Variants in LUZP2 observed in about 807,000 individuals in gnomAD.
The protein encoded by LUZP2 is leucine zipper protein 2.
A neutral mutation model predicts 51.6 loss-of-function variants in LUZP2; 52 were observed. The ratio of observed to expected loss-of-function variants is 1.01; its 90% confidence interval spans 0.81 to 1.27. The LOEUF is 1.27. LUZP2 is among the 50% of genes most tolerant of loss of function. The pLI, the probability that LUZP2 is intolerant of heterozygous loss-of-function variation, is 0.00. For missense variants in LUZP2, 436 were observed against 395.4 expected (o/e 1.10, Z -0.87); for synonymous variants, 154 against 137.3 (o/e 1.12, Z -0.85).
chr11:24,610,397 G>T (rs1854080207), intron 1 of LUZP2, among the ~76,000 whole-genome samples: 1 of 152,126 alleles, frequency 6.6e-6, no homozygotes, highest in Admixed American at 6.5e-5. Flanking sequence ...TTTTGAGAGG[G>T]CCCAAATGTC....
intron 5 of LUZP2, among the ~76,000 whole-genome samples, chr11:24,822,613 G>A (rs545228630): frequency 8.5e-5 from 13 of 152,098 alleles, no homozygotes; most frequent in South Asian, 4.1e-4. Context: ...TGCTCCCTTC[G>A]CTTCCTTCAT....
intron 1 of LUZP2, among the ~76,000 whole-genome samples, chr11:24,710,268 G>A (rs1208500619): frequency 6.6e-6 from 1 of 152,120 alleles, no homozygotes; most frequent in Non-Finnish European, 1.5e-5. Flanking sequence ...GAGATATCAT[G>A]TAGGTCTTAG....
At chr11:24,728,887 C>T (rs962080882) in intron 1 of LUZP2, among the ~76,000 whole-genome samples, 6 of 151,754 alleles carry the variant, frequency 4.0e-5, no homozygotes, top group South Asian at 2.1e-4. Flanking sequence ...TGGAAGAAGA[C>T]GAAAGGCATG....
intron 9 of LUZP2, among the ~76,000 whole-genome samples, chr11:25,019,774 G>A (rs537313692): frequency 1.3e-5 from 2 of 152,040 alleles, no homozygotes; most frequent in Admixed American, 6.6e-5. Context: ...CGTTATGGGA[G>A]CCTGACTTCT....
chr11:24,538,784 A>G (rs1020975379), intron 1 of LUZP2, among the ~76,000 whole-genome samples: 17 of 151,828 alleles, frequency 1.1e-4, no homozygotes, highest in Non-Finnish European at 2.9e-5. Context: ...CACTTTCAGC[A>G]AATGAAAAGA....
rs537339445 is a variant in LUZP2, at chr11:24,998,111, T to G, written c.765+14818T>G. Among the ~76,000 whole-genome samples, 1,031 of 152,250 alleles carry G rather than the reference T, an allele frequency of 6.8e-3. 34 individuals are homozygous for G. In the East Asian group the frequency reaches 0.099, roughly 15 times the overall value. ...TTGACTTGGCGATGCGGGCTCTGTT[T>G]CGGTTCCATATGAACTTTAAGGTAG... On this transcript the variant is annotated intron_variant, in intron 9 of 11. Coordinates refer to ENST00000336930, the MANE Select transcript of LUZP2 (RefSeq NM_001009909.4).
chr11:25,027,039 T>C (rs1167732127), intron 9 of LUZP2, among the ~76,000 whole-genome samples: 1 of 151,974 alleles, frequency 6.6e-6, no homozygotes, highest in Non-Finnish European at 1.5e-5. Flanking sequence ...ATCACAACCA[T>C]CCACAAACAT....
At chr11:24,726,039 A>T (rs10834459) in intron 1 of LUZP2, among the ~76,000 whole-genome samples, 51,599 of 151,968 alleles carry the variant, frequency 0.34, 9,396 homozygotes, top group Non-Finnish European at 0.41. Context: ...TAGCCTCCAG[A>T]ATTGTGAGAC....
At chr11:24,903,137 T>C (rs931812054) in intron 5 of LUZP2, among the ~76,000 whole-genome samples, 1 of 152,206 alleles carries the variant, frequency 6.6e-6, no homozygotes, top group Non-Finnish European at 1.5e-5. Context: ...TGCTACAACC[T>C]GAGCAACATT....
intron 5 of LUZP2, among the ~76,000 whole-genome samples, chr11:24,844,705 C>A (rs1294405284): frequency 6.6e-6 from 1 of 152,092 alleles, no homozygotes; most frequent in African/African-American, 2.4e-5. Flanking sequence ...GTGCTGTGTG[C>A]AGCCAAGGGA....
intron 5 of LUZP2, among the ~76,000 whole-genome samples, chr11:24,857,563 C>CTTTTTTT (rs200241186): frequency 6.9e-6 from 1 of 145,794 alleles, no homozygotes; most frequent in Non-Finnish European, 1.5e-5. Context: ...CAAAATAGGT[C>CTTTTTTT]TTTTTTTTTT....
intron 1 of LUZP2, among the ~76,000 whole-genome samples, chr11:24,501,781 T>C (rs746826236): frequency 7.2e-5 from 11 of 152,182 alleles, no homozygotes; most frequent in Non-Finnish European, 1.6e-4. Context: ...TGTATATCCA[T>C]AATCTAGTCA....
At chr11:24,921,535 G>A (rs763109611) in intron 7 of LUZP2, among the ~76,000 whole-genome samples, 3 of 152,066 alleles carry the variant, frequency 2.0e-5, no homozygotes, top group Non-Finnish European at 4.4e-5. Flanking sequence ...CGGCATGTGC[G>A]TATTACAGCT....
chr11:24,649,354 C>T (rs1855556467), intron 1 of LUZP2, among the ~76,000 whole-genome samples: 1 of 151,932 alleles, frequency 6.6e-6, no homozygotes, highest in African/African-American at 2.4e-5. Flanking sequence ...ATTTATGCTG[C>T]TCCTTCAAAC....
At chr11:24,653,175 A>G (rs1855685010) in intron 1 of LUZP2, among the ~76,000 whole-genome samples, 1 of 152,154 alleles carries the variant, frequency 6.6e-6, no homozygotes, top group Admixed American at 6.5e-5. Context: ...GGCTAGAGCA[A>G]TATGACAGGC....
chr11:24,908,552 A>ACCGT (rs1853530453), intron 6 of LUZP2, among the ~76,000 whole-genome samples: 1 of 152,146 alleles, frequency 6.6e-6, no homozygotes, highest in African/African-American at 2.4e-5. Context: ...AAAATCACTA[A>ACCGT]TTGTTTGAAG....
chr11:25,052,574 A>C (rs931506959), intron 10 of LUZP2, among the ~76,000 whole-genome samples: 1 of 152,134 alleles, frequency 6.6e-6, no homozygotes, highest in African/African-American at 2.4e-5. Flanking sequence ...AAAACTAGAG[A>C]GACTGTTTTT....
chr11:24,530,980 A>C (rs993648862), intron 1 of LUZP2, among the ~76,000 whole-genome samples: 5 of 149,398 alleles, frequency 3.3e-5, no homozygotes, highest in African/African-American at 1.2e-4. Flanking sequence ...AATTATTTCC[A>C]AATTTAATTT....
chr11:24,765,211 T>C (rs1036606613), intron 5 of LUZP2, among the ~76,000 whole-genome samples: 1 of 152,186 alleles, frequency 6.6e-6, no homozygotes, highest in Non-Finnish European at 1.5e-5. Flanking sequence ...TTTAATGAAA[T>C]AACTGGTGTA....
Sources: allele counts gnomAD v4.1 joint callset (sites outside exome capture counted in the v4.1 genomes callset), GRCh38; gene constraint gnomAD v4.1.1; transcripts MANE v1.5; gene names NCBI Gene and HGNC (gene_info 2026-07-23, HGNC 2026-07-21).